The following IGF2BP3 variants were observed in gnomAD, a reference collection of about 807,000 sequenced individuals.
IGF2BP3 encodes insulin like growth factor 2 mRNA binding protein 3.
Under a neutral mutation model 73.8 loss-of-function variants are expected in IGF2BP3, and 9 were observed. The observed-to-expected ratio is 0.12, with a 90% CI of 0.07 to 0.21. IGF2BP3 has a LOEUF of 0.21. Among genes scored for constraint, IGF2BP3 ranks in the 10% least tolerant of loss-of-function variants. The pLI is 1.00. For synonymous variants in IGF2BP3, 258 were observed against 256.7 expected, an observed-to-expected ratio of 1.01 and a Z score of -0.05; for missense variants, 542 against 714.0, an observed-to-expected ratio of 0.76 and a Z score of 2.75.
At chr7:23,333,016 C>T (rs930142755) in intron 10 of IGF2BP3, among the ~76,000 whole-genome samples, 7 of 152,176 alleles carry the variant, frequency 4.6e-5, no homozygotes, top group African/African-American at 1.7e-4. Flanking sequence ...CCCAGATTTA[C>T]CCCACAGTAT....
At position 23,311,745 on chromosome 7, in the gene IGF2BP3, A is replaced by G. The variant is rs1211917676; in HGVS notation, c.*617T>C. 6.6e-6 allele frequency: 1 copy of G among 152,502 alleles called. No individual in the cohort carries two copies. The highest frequency in any genetic ancestry group is 1.5e-5 in the Non-Finnish European group (1 of 68,026). 9.4% of individuals were successfully genotyped at this position (152,502 alleles called of 1,614,324 possible). The stretch of plus-strand genomic sequence containing the variant: ...CTTCTATCATTATAAAGTATATAAA[A>G]TTTTCAAAAAAAAGGAACAATTTTG... On this transcript the variant is annotated 3_prime_UTR_variant, in exon 15 of 15. Coordinates refer to ENST00000258729, the MANE Select transcript of IGF2BP3 (RefSeq NM_006547.3).
At chr7:23,334,205 G>A (rs1383928281) in intron 10 of IGF2BP3, among the ~76,000 whole-genome samples, 1 of 152,140 alleles carries the variant, frequency 6.6e-6, no homozygotes, top group East Asian at 1.9e-4. Context: ...GCACGTGACT[G>A]TAATTCCAGC....
chr7:23,458,100 G>A (rs567592889), intron 2 of IGF2BP3, among the ~76,000 whole-genome samples: 3 of 152,012 alleles, frequency 2.0e-5, no homozygotes, highest in Non-Finnish European at 2.9e-5. Flanking sequence ...TGACTACTGG[G>A]TGACGTTGTA....
At chr7:23,348,885 T>A (rs987306618) in intron 6 of IGF2BP3, among the ~76,000 whole-genome samples, 1 of 152,214 alleles carries the variant, frequency 6.6e-6, no homozygotes, top group African/African-American at 2.4e-5. Flanking sequence ...ATTCATATCA[T>A]ACAGATGTTT....
intron 12 of IGF2BP3, among the ~76,000 whole-genome samples, chr7:23,316,155 T>C (rs2128491790): frequency 6.6e-6 from 1 of 152,316 alleles, no homozygotes; most frequent in African/African-American, 2.4e-5. Context: ...AGGAATAAAT[T>C]TCTTCACATG....
At chr7:23,364,247 G>T (rs555760349) in intron 3 of IGF2BP3, among the ~76,000 whole-genome samples, 1 of 151,976 alleles carries the variant, frequency 6.6e-6, no homozygotes, top group Non-Finnish European at 1.5e-5. Context: ...GGTGGTGCGC[G>T]CTTGTAGTCC....
At chr7:23,444,595 T>G (rs1788012832) in intron 2 of IGF2BP3, among the ~76,000 whole-genome samples, 1 of 151,728 alleles carries the variant, frequency 6.6e-6, no homozygotes, top group Non-Finnish European at 1.5e-5. Context: ...ATACGAAAAT[T>G]AGCTGAGCAT....
chr7:23,346,044 C>T lies in IGF2BP3; in HGVS notation c.837G>A (p.Leu279=), dbSNP rs1784820425. 1 of 1,613,208 alleles carries T rather than the reference C, an allele frequency of 6.2e-7. No homozygotes were observed. The highest frequency in any genetic ancestry group is 1.7e-5 in the Admixed American group (1 of 59,966). Residue 279 remains leucine (L), a synonymous_variant, in exon 8 of 15, where the codon TTG becomes TTA. Transcript: ENST00000258729. ...QDIKFTEEIP[L]KILAHNNFVG... is the part of the protein sequence containing the mutation. ...CAAAGTTATTATGAGCTAAAATCTT[C>T]AAGGGGATCTCTTCTGTGCTGTAAA... is the stretch of plus-strand genomic sequence containing the variant.
In IGF2BP3 at chr7:23,447,886, T is replaced by G. The variant is rs372490322; in HGVS notation, c.236+20596A>C. On this transcript the variant is annotated intron_variant, in intron 2 of 14. Coordinates refer to ENST00000258729, the MANE Select transcript of IGF2BP3 (RefSeq NM_006547.3). ...GTTTTGGCTACTCAGGAGACTGAGG[T>G]GGGAGGATCCCTTGAGTCCAGGAGT... 1.3e-4 allele frequency among the ~76,000 whole-genome samples: 20 copies of G among 152,224 alleles called. No homozygotes were observed. The East Asian group carries it at 3.3e-3, about 25-fold the overall frequency.
intron 2 of IGF2BP3, among the ~76,000 whole-genome samples, chr7:23,437,734 TAA>T (rs1271524542): frequency 1.3e-5 from 2 of 152,158 alleles, no homozygotes; most frequent in Non-Finnish European, 2.9e-5. Flanking sequence ...CAACAAACTT[TAA>T]GATTTCACCA....
intron 7 of IGF2BP3, 91 bp from the exon 8 acceptor site, chr7:23,346,153 A>G (rs554826483): frequency 2.1e-6 from 3 of 1,406,562 alleles, no homozygotes; most frequent in Non-Finnish European, 2.9e-6. Context: ...TTTACTTCCT[A>G]CCTACCATCT....
chr7:23,341,956 C>G, intron 10 of IGF2BP3, 108 bp downstream of exon 10: 1 of 1,235,246 alleles, frequency 8.1e-7, no homozygotes, highest in Non-Finnish European at 1.1e-6. Context: ...GCTCCATTAG[C>G]AAGAACTGGA....
In IGF2BP3 at chr7:23,361,469, C is replaced by T. The variant is rs143177066; in HGVS notation, c.401+65G>A. On this transcript the variant is annotated intron_variant, in intron 5 of 14. Transcript: ENST00000258729. ...ACCAGCCCTTCTCAGTTGAGAAATCCGCAAAATATGTTACTGTACTTAACT... is the reference window on the plus strand; with the variant it reads ...ACCAGCCCTTCTCAGTTGAGAAATCTGCAAAATATGTTACTGTACTTAACT... The T allele has an allele frequency of 6.3e-4, 872 of 1,390,082 alleles. 10 individuals carry two copies. In the African/African-American group the frequency reaches 0.011, roughly 18 times the overall value. The allele number at this position is 1,390,082 out of a possible 1,614,324, so 86.1% of individuals were successfully genotyped here. A position where few individuals can be genotyped will look rare whatever the true frequency, so the allele number is the denominator to read the frequency against.
intron 2 of IGF2BP3, among the ~76,000 whole-genome samples, chr7:23,420,112 G>C (rs1462812940): frequency 6.6e-6 from 1 of 152,132 alleles, no homozygotes; most frequent in Non-Finnish European, 1.5e-5. Context: ...TAGTCAACTA[G>C]CTATTAAAAA....
chr7:23,399,285 C>T (rs896697504), intron 3 of IGF2BP3, among the ~76,000 whole-genome samples: 4 of 151,826 alleles, frequency 2.6e-5, no homozygotes, highest in Non-Finnish European at 5.9e-5. Flanking sequence ...GTTTTGGTAC[C>T]AAATGCTAAA....
At chr7:23,372,159 C>T (rs1048186906) in intron 3 of IGF2BP3, among the ~76,000 whole-genome samples, 5 of 151,982 alleles carry the variant, frequency 3.3e-5, no homozygotes, top group East Asian at 1.9e-4. Flanking sequence ...CCGCAACCTC[C>T]GCCACCCGGG....
intron 5 of IGF2BP3, among the ~76,000 whole-genome samples, chr7:23,354,167 T>C (rs1785034168): frequency 6.6e-6 from 1 of 152,206 alleles, no homozygotes; most frequent in Admixed American, 6.5e-5. Flanking sequence ...CTAATTTTTG[T>C]ATTTTTAGTA....
At chr7:23,388,992 A>T (rs183851404) in intron 3 of IGF2BP3, among the ~76,000 whole-genome samples, 36 of 152,290 alleles carry the variant, frequency 2.4e-4, no homozygotes, top group Admixed American at 2.3e-3. Context: ...ATCATAGGTA[A>T]ATCTTAATGG....
chr7:23,465,529 C>G (rs577843239), intron 2 of IGF2BP3, among the ~76,000 whole-genome samples: 197 of 151,858 alleles, frequency 1.3e-3, no homozygotes, highest in African/African-American at 4.0e-3. Flanking sequence ...AGGGTCCCCC[C>G]CCAAGCTCCA....
Sources: gnomAD v4.1 joint callset for allele counts (sites outside exome capture counted in the v4.1 genomes callset) on GRCh38, gnomAD v4.1.1 for gene constraint, MANE v1.5 for transcripts, NCBI Gene and HGNC (gene_info 2026-07-23, HGNC 2026-07-21) for gene names.